Variants in STARD13 observed in about 807,000 individuals in gnomAD.
STARD13 encodes stAR-related lipid transfer protein 13.
A neutral mutation model predicts 106.4 loss-of-function variants in STARD13; 62 were observed. The ratio of observed to expected loss-of-function variants is 0.58; its 90% confidence interval spans 0.48 to 0.72. The LOEUF is 0.72. Ranked by LOEUF, STARD13 falls within the 30% of genes least tolerant of loss-of-function variation. STARD13 has a pLI of 0.00. For synonymous variants in STARD13, 565 were observed against 553.0 expected (o/e 1.02, Z -0.31); for missense variants, 1,387 against 1,424.0 (o/e 0.97, Z 0.42).
chr13:33,533,478 C>T, the STARD13 span, among the ~76,000 whole-genome samples: 1 of 152,164 alleles, frequency 6.6e-6, no homozygotes, highest in Admixed American at 6.5e-5. Flanking sequence ...AATACTATGG[C>T]ACCCACCTGA....
At chr13:33,436,384 T>C in the STARD13 span, among the ~76,000 whole-genome samples, 39 of 152,140 alleles carry the variant, frequency 2.6e-4, no homozygotes, top group Admixed American at 2.1e-3. Flanking sequence ...TAGTCTCCTA[T>C]TGACACATTT....
chr13:33,399,700 C>CAAAAAAAAAAAAA, the STARD13 span, among the ~76,000 whole-genome samples: 1 of 26,946 alleles, frequency 3.7e-5, no homozygotes, highest in Non-Finnish European at 9.0e-5. Context: ...GACTCTGTCT[C>CAAAAAAAAAAAAA]AAAAAAAAAA....
the STARD13 span, among the ~76,000 whole-genome samples, chr13:33,361,068 G>A: frequency 4.7e-5 from 7 of 148,738 alleles, no homozygotes; most frequent in Non-Finnish European, 8.9e-5. Context: ...GCCTCCCAAA[G>A]TGCCGGGATT....
Position 33,155,804 on chromosome 13 carries a change from T to TG in STARD13, c.323+9532dup, listed in dbSNP as rs1360582062. Among the ~76,000 whole-genome samples the TG allele has an allele frequency of 4.6e-5, 7 of 152,284 alleles. No homozygotes were observed. In the East Asian group the frequency reaches 1.3e-3, roughly 29 times the overall value. On this transcript the variant is annotated intron_variant, in intron 3 of 13. Coordinates refer to ENST00000336934, the MANE Select transcript of STARD13 (RefSeq NM_178006.4). ...TAGCCAGAGAACAGACATGATTACT[T>TG]GCAGGAAGCTAAAAGCAATACAAAT...
the STARD13 span, among the ~76,000 whole-genome samples, chr13:33,636,888 A>G: frequency 8.0e-3 from 1,225 of 152,252 alleles, 16 homozygotes; most frequent in African/African-American, 0.027. Context: ...TGAGACCTCT[A>G]AGGGTTTAGA....
At chr13:33,113,733 G>A (rs772864657) in intron 8 of STARD13, among the ~76,000 whole-genome samples, 2 of 152,170 alleles carry the variant, frequency 1.3e-5, no homozygotes, top group Non-Finnish European at 2.9e-5. Context: ...ACCCTTGAGG[G>A]TGGTCCTTGT....
intron 1 of STARD13, among the ~76,000 whole-genome samples, chr13:33,274,828 A>G (rs1891339101): frequency 6.6e-6 from 1 of 152,214 alleles, no homozygotes; most frequent in South Asian, 2.1e-4. Flanking sequence ...TTTAAACCCA[A>G]ATGTCCCATC....
At chr13:33,179,978 G>A (rs1261761936) in intron 1 of STARD13, among the ~76,000 whole-genome samples, 1 of 152,206 alleles carries the variant, frequency 6.6e-6, no homozygotes, top group Non-Finnish European at 1.5e-5. Flanking sequence ...CTCTGTGCCT[G>A]CAGGAGGTCC....
chr13:33,617,874 A>G, the STARD13 span, among the ~76,000 whole-genome samples: 1 of 152,196 alleles, frequency 6.6e-6, no homozygotes, highest in East Asian at 1.9e-4. Flanking sequence ...AGAGAGGAAT[A>G]TGTTCTCTCA....
the STARD13 span, among the ~76,000 whole-genome samples, chr13:33,565,359 A>G: frequency 1.4e-5 from 2 of 147,944 alleles, no homozygotes; most frequent in African/African-American, 5.0e-5. Context: ...TCTAGAGTAA[A>G]GAAAAGACAA....
At chr13:33,441,270 T>A in the STARD13 span, among the ~76,000 whole-genome samples, 1 of 152,222 alleles carries the variant, frequency 6.6e-6, no homozygotes, top group Non-Finnish European at 1.5e-5. Flanking sequence ...AATAGTTTCC[T>A]AACTTCTTAG....
the STARD13 span, among the ~76,000 whole-genome samples, chr13:33,610,246 G>T: frequency 6.6e-6 from 1 of 152,068 alleles, no homozygotes; most frequent in Non-Finnish European, 1.5e-5. Flanking sequence ...ATTTAAGGAG[G>T]TTCACTCTGG....
intron 3 of STARD13, among the ~76,000 whole-genome samples, chr13:33,156,954 CTTA>C (rs1882054304): frequency 6.6e-6 from 1 of 152,012 alleles, no homozygotes; most frequent in Non-Finnish European, 1.5e-5. Context: ...TTAATTGTCA[CTTA>C]TTATTTATTA....
chr13:33,669,062 C>A, the STARD13 span, among the ~76,000 whole-genome samples: 1 of 152,140 alleles, frequency 6.6e-6, no homozygotes, highest in Non-Finnish European at 1.5e-5. Flanking sequence ...GGTCCTGGAT[C>A]ACAATGTAAA....
At chr13:33,109,161 A>C (rs980934127) in intron 12 of STARD13, among the ~76,000 whole-genome samples, 1 of 152,230 alleles carries the variant, frequency 6.6e-6, no homozygotes, top group South Asian at 2.1e-4. Context: ...TTTCAATAAA[A>C]AAGGATATAT....
At chr13:33,190,359 T>C (rs1886154881) in intron 1 of STARD13, among the ~76,000 whole-genome samples, 3 of 152,136 alleles carry the variant, frequency 2.0e-5, no homozygotes, top group African/African-American at 2.4e-5. Context: ...AGGTAGAGGC[T>C]GCAGTAAGCT....
chr13:33,253,158 C>T (rs949201815), intron 1 of STARD13, among the ~76,000 whole-genome samples: 1 of 152,152 alleles, frequency 6.6e-6, no homozygotes, highest in Non-Finnish European at 1.5e-5. Flanking sequence ...CATTGTAGTC[C>T]TGCTAAAAGG....
At chr13:33,160,125 C>T (rs1882448422) in intron 3 of STARD13, among the ~76,000 whole-genome samples, 1 of 152,086 alleles carries the variant, frequency 6.6e-6, no homozygotes, top group Non-Finnish European at 1.5e-5. Context: ...AGAACAGACA[C>T]ATAGATAAAT....
chr13:33,235,173 T>G (rs1889126178), intron 1 of STARD13, among the ~76,000 whole-genome samples: 1 of 152,186 alleles, frequency 6.6e-6, no homozygotes, highest in African/African-American at 2.4e-5. Context: ...GGATATTTTT[T>G]AAATTCTTGA....
Sources: gnomAD v4.1 joint callset for allele counts (sites outside exome capture counted in the v4.1 genomes callset) on GRCh38, gnomAD v4.1.1 for gene constraint, MANE v1.5 for transcripts, NCBI Gene and HGNC (gene_info 2026-07-23, HGNC 2026-07-21) for gene names.